CHIC2: variants seen among roughly 807,000 people sequenced by gnomAD.
CHIC2 encodes cysteine-rich hydrophobic domain-containing protein 2.
Under a neutral mutation model 25.9 loss-of-function variants are expected in CHIC2, and 14 were observed. The observed-to-expected ratio is 0.54, with a 90% CI of 0.36 to 0.85. The LOEUF (loss-of-function observed/expected upper bound fraction) is 0.85. CHIC2 is among the 40% of genes least tolerant of loss of function. The pLI, the probability that CHIC2 is intolerant of heterozygous loss-of-function variation, is 0.01. For synonymous variants in CHIC2, 70 were observed against 72.0 expected, an observed-to-expected ratio of 0.97 and a Z score of 0.14; for missense variants, 146 against 202.0, an observed-to-expected ratio of 0.72 and a Z score of 1.68.
the CHIC2 span, among the ~76,000 whole-genome samples, chr4:54,078,835 A>G: frequency 1.3e-5 from 2 of 151,906 alleles, no homozygotes; most frequent in Non-Finnish European, 2.9e-5. Flanking sequence ...TTTGTTAACT[A>G]TTATCTTTAT....
chr4:54,020,307 T>C (rs1715861058), intron 3 of CHIC2, among the ~76,000 whole-genome samples: 1 of 152,176 alleles, frequency 6.6e-6, no homozygotes, highest in Non-Finnish European at 1.5e-5. Context: ...CTTGAGAATG[T>C]ACTTTGTTAG....
At chr4:54,088,880 A>G in the CHIC2 span, among the ~76,000 whole-genome samples, 19 of 152,206 alleles carry the variant, frequency 1.2e-4, no homozygotes, top group Non-Finnish European at 2.6e-4. Context: ...GTACAGGATT[A>G]GAGAAAGAGC....
chr4:54,059,479 C>G (rs1717268524), intron 1 of CHIC2: 1 of 151,412 alleles, frequency 6.6e-6, no homozygotes, highest in Non-Finnish European at 1.5e-5. Context: ...AGGTCAAGGC[C>G]ACAGTAGGCT....
the CHIC2 span, chr4:54,087,260 G>A: frequency 3.7e-4 from 222 of 603,576 alleles, 3 homozygotes; most frequent in Admixed American, 2.9e-3. Flanking sequence ...AAGCGAGGAC[G>A]CATTTAAGAA....
At chr4:54,042,032 A>T (rs191449792) in intron 3 of CHIC2, among the ~76,000 whole-genome samples, 839 of 152,196 alleles carry the variant, frequency 5.5e-3, no homozygotes, top group Non-Finnish European at 9.5e-3. Context: ...AAAGGAAAAA[A>T]AAATCCAAAT....
intron 3 of CHIC2, among the ~76,000 whole-genome samples, chr4:54,030,726 G>C (rs1716204641): frequency 6.9e-6 from 1 of 144,332 alleles, no homozygotes; most frequent in South Asian, 2.2e-4. Context: ...GGAGTGCAAT[G>C]GCACGATCTC....
the CHIC2 span, among the ~76,000 whole-genome samples, chr4:54,079,635 T>A: frequency 6.6e-6 from 1 of 152,088 alleles, no homozygotes; most frequent in African/African-American, 2.4e-5. Context: ...TCAAAGAAGA[T>A]GTACCAATGT....
intron 5 of CHIC2, among the ~76,000 whole-genome samples, chr4:54,011,625 C>T (rs1450563984): frequency 6.6e-6 from 1 of 152,028 alleles, no homozygotes; most frequent in Non-Finnish European, 1.5e-5. Flanking sequence ...GGCATCCCCA[C>T]ACTTTATAAT....
At chr4:54,090,019 A>G in the CHIC2 span, among the ~76,000 whole-genome samples, 1 of 152,188 alleles carries the variant, frequency 6.6e-6, no homozygotes, top group Non-Finnish European at 1.5e-5. Flanking sequence ...TGAAATATAA[A>G]TGAATTTTGT....
At chr4:54,051,717 G>A (rs1356300503) in intron 1 of CHIC2, among the ~76,000 whole-genome samples, 1 of 152,080 alleles carries the variant, frequency 6.6e-6, no homozygotes, top group African/African-American at 2.4e-5. Flanking sequence ...AGTCTCCTCT[G>A]CAATTCACTG....
intron 3 of CHIC2, among the ~76,000 whole-genome samples, chr4:54,043,216 T>C (rs945392742): frequency 5.3e-5 from 8 of 152,006 alleles, no homozygotes; most frequent in African/African-American, 1.7e-4. Flanking sequence ...GGTCAGGAGA[T>C]TGAGACCATC....
At chr4:54,053,924 G>A (rs1369352678) in intron 1 of CHIC2, among the ~76,000 whole-genome samples, 1 of 152,090 alleles carries the variant, frequency 6.6e-6, no homozygotes, top group Non-Finnish European at 1.5e-5. Context: ...CCAAGTACCT[G>A]GGATTACAGG....
At chr4:54,070,701 G>C in the CHIC2 span, among the ~76,000 whole-genome samples, 33 of 152,138 alleles carry the variant, frequency 2.2e-4, no homozygotes, top group Non-Finnish European at 3.7e-4. Flanking sequence ...GAGGTTACAG[G>C]AGTGAGCCAC....
chr4:54,087,119 T>C, the CHIC2 span: 6 of 877,732 alleles, frequency 6.8e-6, no homozygotes, highest in South Asian at 7.9e-5. Context: ...AGAGAACTTC[T>C]TAGCTTCAGG....
intron 1 of CHIC2, among the ~76,000 whole-genome samples, chr4:54,052,584 A>G (rs1717034756): frequency 6.6e-6 from 1 of 152,228 alleles, no homozygotes. Context: ...AACCCCCTTC[A>G]GACTCTAATA....
chr4:54,044,896 C>T lies in CHIC2; in HGVS notation c.330+4059G>A, dbSNP rs866611441. Among the ~76,000 whole-genome samples the T allele has an allele frequency of 9.4e-3, 1,411 of 150,276 alleles. 16 individuals carry two copies. The highest frequency in any genetic ancestry group is 0.032 in the African/African-American group (1,310 of 40,862). On this transcript the variant is annotated intron_variant, in intron 3 of 5. Coordinates refer to ENST00000263921, the MANE Select transcript of CHIC2 (RefSeq NM_012110.4). Reference sequence around the variant, plus strand: ...GAAAAGATCAACAAAATTGATAGACCGCTAGCAAGACTAATAAAGAAGAAA... The same window carrying T: ...GAAAAGATCAACAAAATTGATAGACTGCTAGCAAGACTAATAAAGAAGAAA...
chr4:54,018,759 TACTC>T (rs1414731978), intron 3 of CHIC2, among the ~76,000 whole-genome samples: 5 of 152,068 alleles, frequency 3.3e-5, no homozygotes, highest in African/African-American at 4.8e-5. Context: ...ATGTACAGAA[TACTC>T]ACTAATAACT....
intron 3 of CHIC2, among the ~76,000 whole-genome samples, chr4:54,043,813 T>G (rs1716675299): frequency 6.6e-6 from 1 of 152,060 alleles, no homozygotes; most frequent in South Asian, 2.1e-4. Flanking sequence ...ATAATAACCT[T>G]AAATGTAAAT....
chr4:54,074,711 T>C, the CHIC2 span, among the ~76,000 whole-genome samples: 3 of 152,174 alleles, frequency 2.0e-5, no homozygotes, highest in South Asian at 6.2e-4. Flanking sequence ...ATGTCTACTT[T>C]TTGAATTCAT....
Sources: allele counts gnomAD v4.1 joint callset (sites outside exome capture counted in the v4.1 genomes callset), GRCh38; gene constraint gnomAD v4.1.1; transcripts MANE v1.5; gene names NCBI Gene and HGNC (gene_info 2026-07-23, HGNC 2026-07-21).